The following PIGL variants were observed in gnomAD, a reference collection of about 807,000 sequenced individuals.
PIGL encodes the protein phosphatidylinositol glycan anchor biosynthesis class L.
Under a neutral mutation model 31.1 loss-of-function variants are expected in PIGL, and 22 were observed. The ratio of observed to expected loss-of-function variants is 0.71; its 90% confidence interval spans 0.51 to 1.01. The LOEUF (loss-of-function observed/expected upper bound fraction) is 1.01. Among genes scored for constraint, PIGL ranks in the 50% least tolerant of loss-of-function variants. The pLI, the probability that PIGL is intolerant of heterozygous loss-of-function variation, is 0.00. For missense variants in PIGL, 302 were observed against 315.9 expected (o/e 0.96, Z 0.33); for synonymous variants, 131 against 117.4 (o/e 1.12, Z -0.75).
At chr17:16,277,529 G>C (rs1021663719) in intron 2 of PIGL, among the ~76,000 whole-genome samples, 2 of 125,804 alleles carry the variant, frequency 1.6e-5, no homozygotes, top group East Asian at 3.9e-4. Context: ...AAAAAAGATT[G>C]CTTCAGTCTT....
intron 2 of PIGL, among the ~76,000 whole-genome samples, chr17:16,271,859 C>A (rs1425836884): frequency 1.3e-5 from 2 of 152,062 alleles, no homozygotes; most frequent in African/African-American, 4.8e-5. Context: ...AAATTATTCA[C>A]TTGTTTATCT....
At chr17:16,280,473 CTTT>C (rs916628317) in intron 2 of PIGL, among the ~76,000 whole-genome samples, 3 of 152,068 alleles carry the variant, frequency 2.0e-5, no homozygotes, top group Admixed American at 2.0e-4. Flanking sequence ...TTTTGCATAA[CTTT>C]TTTTTATTTC....
In PIGL at chr17:16,317,037, G is replaced by C. The variant is rs1227024983; in HGVS notation, c.526+325G>C. 4 of 1,127,300 alleles carry C rather than the reference G, an allele frequency of 3.5e-6. No individual in the cohort carries two copies. The East Asian group carries it at 1.5e-4, about 42-fold the overall frequency. 69.8% of individuals were successfully genotyped at this position (1,127,300 alleles called of 1,614,324 possible). On this transcript the variant is annotated intron_variant, in intron 5 of 6. Coordinates refer to ENST00000225609, the MANE Select transcript of PIGL (RefSeq NM_004278.4). ...TCCCATCCCCCAACCAATTAGGCAGGTTGTAAATGACTGCTGGGTGCTTGA... is the reference window on the plus strand; with the variant it reads ...TCCCATCCCCCAACCAATTAGGCAGCTTGTAAATGACTGCTGGGTGCTTGA...
chr17:16,317,545 G>A, intron 5 of PIGL: 1 of 1,268,552 alleles, frequency 7.9e-7, no homozygotes, highest in Non-Finnish European at 1.0e-6. Context: ...TTCTGGTAGG[G>A]CACACCGCAG....
intron 1 of PIGL, among the ~76,000 whole-genome samples, chr17:16,223,692 C>T (rs536528620): frequency 1.4e-5 from 2 of 147,408 alleles, no homozygotes; most frequent in African/African-American, 5.0e-5. Context: ...CCAACCTGGT[C>T]AACATAGTGA....
At chr17:16,218,570 C>T (rs1408889701) in intron 1 of PIGL, among the ~76,000 whole-genome samples, 1 of 151,386 alleles carries the variant, frequency 6.6e-6, no homozygotes, top group Non-Finnish European at 1.5e-5. Context: ...GAGCAGAGAA[C>T]ATCTTTATGT....
intron 6 of PIGL, among the ~76,000 whole-genome samples, chr17:16,322,738 G>A (rs933273323): frequency 3.3e-4 from 50 of 152,158 alleles, no homozygotes; most frequent in African/African-American, 9.9e-4. Context: ...GTGGACACTC[G>A]CAGAGGGGTG....
At chr17:16,320,940 T>A in intron 6 of PIGL, among the ~76,000 whole-genome samples, 1 of 144,752 alleles carries the variant, frequency 6.9e-6, no homozygotes, top group East Asian at 2.0e-4. Context: ...TGGCCATTTT[T>A]TTTTTTTTTT....
At chr17:16,318,503 T>G (rs973680430) in intron 6 of PIGL, among the ~76,000 whole-genome samples, 2 of 151,672 alleles carry the variant, frequency 1.3e-5, no homozygotes, top group African/African-American at 2.4e-5. Flanking sequence ...CCTCCTGACC[T>G]CGGGTGATCC....
At chr17:16,308,362 C>T (rs1208967358) in intron 3 of PIGL, among the ~76,000 whole-genome samples, 1 of 152,062 alleles carries the variant, frequency 6.6e-6, no homozygotes, top group African/African-American at 2.4e-5. Context: ...AGCTGCCATC[C>T]TTGGAAAGCA....
rs11415569 is a variant in PIGL at position 16,270,289 on chromosome 17, C to CAA, written c.336-29586_336-29585dup. 6.9e-3 allele frequency among the ~76,000 whole-genome samples: 992 copies of CAA among 143,466 alleles called. 8 individuals carry two copies. The highest frequency in any genetic ancestry group is 0.034 in the East Asian group (168 of 4,892). 94.1% of individuals were successfully genotyped at this position (143,466 alleles called of 152,430 possible). A position where few individuals can be genotyped will look rare whatever the true frequency, so the allele number is the denominator to read the frequency against. ...GGGTGACAAGAGCGAAACTCCATGT[C>CAA]AAAAAAAAAAAAAATTCTAATCAGA... On this transcript the variant is annotated intron_variant, in intron 2 of 6. Coordinates refer to ENST00000225609, the MANE Select transcript of PIGL (RefSeq NM_004278.4).
chr17:16,289,694 T>G (rs199506318), intron 2 of PIGL, among the ~76,000 whole-genome samples: 1 of 152,324 alleles, frequency 6.6e-6, no homozygotes, highest in East Asian at 1.9e-4. Context: ...GCAAGGGAAT[T>G]GCGCCAGAAT....
At position 16,316,718 on chromosome 17, in the gene PIGL, G is replaced by C. The variant is rs2093078812; in HGVS notation, c.526+6G>C. 6.2e-7 allele frequency: 1 copy of C among 1,610,054 alleles called. No homozygotes were observed. The highest frequency in any genetic ancestry group is 8.5e-7 in the Non-Finnish European group (1 of 1,176,628). ...AGAAGGGAAGTTACCTAAAGGTAAG[G>C]CTTGTTCCTTTTGCAAAGGGCCACA... On this transcript the variant is annotated splice_donor_region_variant and intron_variant, in intron 5 of 6. Coordinates refer to ENST00000225609, the MANE Select transcript of PIGL (RefSeq NM_004278.4).
chr17:16,289,158 C>T lies in PIGL; in HGVS notation c.336-10730C>T, dbSNP rs190019598. On this transcript the variant is annotated intron_variant, in intron 2 of 6. Coordinates refer to ENST00000225609, the MANE Select transcript of PIGL (RefSeq NM_004278.4). ...GATGTAAAGTGATGGAGTGCAAAGA[C>T]CACAGGTCTCTGTATTCGAAGGTTT... Among the ~76,000 whole-genome samples, 3 of 152,320 alleles carry T rather than the reference C, an allele frequency of 2.0e-5. No individual in the cohort carries two copies. In the East Asian group the frequency reaches 5.8e-4, roughly 29 times the overall value.
At chr17:16,309,119 T>C (rs1044926745) in intron 3 of PIGL, among the ~76,000 whole-genome samples, 3 of 152,158 alleles carry the variant, frequency 2.0e-5, no homozygotes, top group Non-Finnish European at 4.4e-5. Flanking sequence ...GTTGTGGTAA[T>C]AGCTGTAATA....
chr17:16,317,822 A>C lies in PIGL; in HGVS notation c.574A>C (p.Ile192Leu), dbSNP rs771899331. 6.2e-7 allele frequency: 1 copy of C among 1,614,002 alleles called. No homozygotes were observed. Among genetic ancestry groups the C allele is most frequent in the Admixed American group, 1.7e-5 (1 of 60,002 alleles). ...LQSVNVLRKY[I>L]SLLDLPLSLL... ...GTCTGTGAATGTGCTGCGCAAGTAC[A>C]TCTCCCTTCTGGATCTGCCCTTGTC... The change falls in exon 6 of 7, where the codon ATC (isoleucine) becomes CTC (leucine). Residue 192 changes from isoleucine (I) to leucine (L), a missense_variant. Coordinates refer to ENST00000225609, the MANE Select transcript of PIGL (RefSeq NM_004278.4).
At chr17:16,320,936 T>C (rs2093102887) in intron 6 of PIGL, among the ~76,000 whole-genome samples, 1 of 36,742 alleles carries the variant, frequency 2.7e-5, no homozygotes, top group South Asian at 6.4e-4. Flanking sequence ...TGCCTGGCCA[T>C]TTTTTTTTTT....
intron 3 of PIGL, 57 bp downstream of exon 3, chr17:16,300,035 G>A: frequency 1.4e-6 from 2 of 1,379,654 alleles, no homozygotes; most frequent in South Asian, 1.2e-5. Context: ...TTCACACCAG[G>A]TGGTTTCTGT....
chr17:16,317,011 A>G (rs145588930), intron 5 of PIGL: 19 of 1,166,440 alleles, frequency 1.6e-5, no homozygotes, highest in African/African-American at 4.6e-5. Flanking sequence ...TCTGAACTCA[A>G]TCCCATCCCC....
Sources: allele counts gnomAD v4.1 joint callset (sites outside exome capture counted in the v4.1 genomes callset), GRCh38; gene constraint gnomAD v4.1.1; transcripts MANE v1.5; gene names NCBI Gene and HGNC (gene_info 2026-07-23, HGNC 2026-07-21).